The following MAPRE3 variants were observed in gnomAD, a reference collection of about 807,000 sequenced individuals.
MAPRE3 encodes microtubule-associated protein RP/EB family member 3.
Under a neutral mutation model 30.5 loss-of-function variants are expected in MAPRE3, and 2 were observed. That is an observed-to-expected ratio of 0.07 (90% CI 0.03 to 0.21). The LOEUF (loss-of-function observed/expected upper bound fraction) is 0.21. Ranked by LOEUF, MAPRE3 falls within the 10% of genes least tolerant of loss-of-function variation. The pLI is 1.00. For missense variants in MAPRE3, 204 were observed against 351.8 expected (o/e 0.58, Z 3.36); for synonymous variants, 110 against 127.7 (o/e 0.86, Z 0.93).
intron 1 of MAPRE3, among the ~76,000 whole-genome samples, chr2:26,973,641 G>A (rs1572738789): frequency 6.8e-6 from 1 of 148,070 alleles, no homozygotes; most frequent in African/African-American, 2.5e-5. Context: ...TGCAAGCTCC[G>A]CTTCCCGGGG....
At chr2:27,017,495 A>C (rs1468141365) in intron 1 of MAPRE3, among the ~76,000 whole-genome samples, 2 of 152,186 alleles carry the variant, frequency 1.3e-5, no homozygotes, top group Non-Finnish European at 2.9e-5. Flanking sequence ...GGCATTGACA[A>C]GACTGGGTCA....
At chr2:26,975,498 G>A (rs1665997433) in intron 1 of MAPRE3, among the ~76,000 whole-genome samples, 1 of 152,114 alleles carries the variant, frequency 6.6e-6, no homozygotes, top group Non-Finnish European at 1.5e-5. Flanking sequence ...GAGCAAAAGT[G>A]AATTTAAATT....
At chr2:26,992,724 G>C (rs1265387363) in intron 1 of MAPRE3, among the ~76,000 whole-genome samples, 1 of 152,054 alleles carries the variant, frequency 6.6e-6, no homozygotes, top group Non-Finnish European at 1.5e-5. Flanking sequence ...ACACCCCACT[G>C]CAATCATGAA....
chr2:27,013,711 T>C (rs1416291551), intron 1 of MAPRE3: 1 of 152,250 alleles, frequency 6.6e-6, no homozygotes, highest in African/African-American at 2.4e-5. Context: ...AGAGAGTGGA[T>C]ACCCAAGGCT....
At chr2:26,971,858 C>T (rs1343847245) in intron 1 of MAPRE3, among the ~76,000 whole-genome samples, 6 of 152,098 alleles carry the variant, frequency 3.9e-5, no homozygotes, top group East Asian at 1.9e-4. Context: ...GAGGCCTGTA[C>T]ACTGTGCCTC....
intron 1 of MAPRE3, among the ~76,000 whole-genome samples, chr2:26,981,608 C>A (rs781719167): frequency 2.0e-5 from 3 of 152,182 alleles, no homozygotes; most frequent in Non-Finnish European, 2.9e-5. Context: ...TATTTGAAAT[C>A]TCAGGAGTCG....
intron 1 of MAPRE3, among the ~76,000 whole-genome samples, chr2:26,973,439 A>C (rs2148193772): frequency 6.6e-6 from 1 of 152,316 alleles, no homozygotes; most frequent in South Asian, 2.1e-4. Context: ...CAGGGTCTTA[A>C]TGTGGTACTC....
At chr2:27,019,758 GT>G in intron 1 of MAPRE3, among the ~76,000 whole-genome samples, 1 of 152,356 alleles carries the variant, frequency 6.6e-6, no homozygotes, top group South Asian at 2.1e-4. Flanking sequence ...GAAGGACAAG[GT>G]TTATTTTTCA....
chr2:27,022,125 C>A (rs1381997193), intron 1 of MAPRE3, 87 bp from the exon 2 acceptor site: 15 of 1,472,776 alleles, frequency 1.0e-5, no homozygotes, highest in Admixed American at 7.6e-5. Context: ...TTTCTTACTT[C>A]CCAGTATCAT....
At chr2:27,014,485 G>A (rs1268686967) in intron 1 of MAPRE3, 1 of 152,276 alleles carries the variant, frequency 6.6e-6, no homozygotes. Flanking sequence ...AATCCTGGAG[G>A]AGTTTCAGTC....
Position 27,015,942 on chromosome 2 carries a change from C to T in MAPRE3, c.-7-6270C>T, listed in dbSNP as rs1469789377. Among the ~76,000 whole-genome samples the T allele has an allele frequency of 6.6e-6, 1 of 152,184 alleles. No homozygotes were observed. The highest frequency in any genetic ancestry group is 1.5e-5 in the Non-Finnish European group (1 of 68,038). On this transcript the variant is annotated intron_variant, in intron 1 of 6. Transcript: ENST00000233121. The surrounding 1 kb of genome is among the most constrained non-coding windows in gnomAD (Gnocchi z 4.0). Reference sequence around the variant, plus strand: ...CAGAATGACCAGCAGCTTCCCCTCCCGCAATGAGAGCTGTAATTGCCTTTC... The same window carrying T: ...CAGAATGACCAGCAGCTTCCCCTCCTGCAATGAGAGCTGTAATTGCCTTTC...
At chr2:26,993,961 A>G (rs999684415) in intron 1 of MAPRE3, among the ~76,000 whole-genome samples, 2 of 152,208 alleles carry the variant, frequency 1.3e-5, no homozygotes, top group Non-Finnish European at 1.5e-5. Flanking sequence ...GAGAAGACTG[A>G]CATTAAGGAA....
At chr2:27,017,819 G>A (rs930169585) in intron 1 of MAPRE3, among the ~76,000 whole-genome samples, 1 of 140,618 alleles carries the variant, frequency 7.1e-6, no homozygotes, top group Non-Finnish European at 1.6e-5. Context: ...GTGTGTGTGT[G>A]TAAAATATGT....
intron 1 of MAPRE3, among the ~76,000 whole-genome samples, chr2:26,991,747 G>A (rs998064633): frequency 2.0e-5 from 3 of 152,156 alleles, no homozygotes; most frequent in African/African-American, 7.2e-5. Context: ...CCCTGGCAAC[G>A]TCTAGGCACG....
chr2:26,979,428 G>GT (rs1241570485), intron 1 of MAPRE3, among the ~76,000 whole-genome samples: 1 of 152,140 alleles, frequency 6.6e-6, no homozygotes, highest in Admixed American at 6.5e-5. Context: ...TACAAAAATT[G>GT]TTTTTAAATT....
At chr2:26,974,053 C>T (rs1665967989) in intron 1 of MAPRE3, among the ~76,000 whole-genome samples, 1 of 152,142 alleles carries the variant, frequency 6.6e-6, no homozygotes, top group Admixed American at 6.5e-5. Context: ...GGTCACCCAA[C>T]CCATGCAGAA....
chr2:27,025,458 G>A, intron 4 of MAPRE3, 125 bp from the exon 5 acceptor site: 1 of 949,758 alleles, frequency 1.1e-6, no homozygotes, highest in African/African-American at 1.7e-5. Context: ...CCTGGGGTGG[G>A]GGCAGGGGGG....
rs1446855883 is a variant in MAPRE3 at position 27,015,417 on chromosome 2, A to C, written c.-7-6795A>C. Reference sequence around the variant, plus strand: ...CATGGTACAACTAGGATTTGAACCCACCTGATGTGCCTGGAGATCTAGTGT... The same window carrying C: ...CATGGTACAACTAGGATTTGAACCCCCCTGATGTGCCTGGAGATCTAGTGT... On this transcript the variant is annotated intron_variant, in intron 1 of 6. Coordinates refer to ENST00000233121, the MANE Select transcript of MAPRE3 (RefSeq NM_012326.4). This position sits in a 1 kb window ranked among gnomAD's most constrained non-coding sequence, Gnocchi z 4.0. 6.6e-6 allele frequency among the ~76,000 whole-genome samples: 1 copy of C among 152,116 alleles called. No individual in the cohort carries two copies. The highest frequency in any genetic ancestry group is 2.4e-5 in the African/African-American group (1 of 41,416).
At chr2:26,992,030 A>C (rs1331368009) in intron 1 of MAPRE3, among the ~76,000 whole-genome samples, 2 of 152,098 alleles carry the variant, frequency 1.3e-5, no homozygotes, top group African/African-American at 4.8e-5. Context: ...AATGTGTATA[A>C]TTTTTTAATC....
Sources: allele counts gnomAD v4.1 joint callset (sites outside exome capture counted in the v4.1 genomes callset), GRCh38; gene constraint gnomAD v4.1.1; non-coding constraint Gnocchi (gnomAD v3.1); transcripts MANE v1.5; gene names NCBI Gene and HGNC (gene_info 2026-07-23, HGNC 2026-07-21).